The following GLI2 variants were observed in gnomAD, a reference collection of about 807,000 sequenced individuals.
The protein encoded by GLI2 is transcription activator GLI2.
A neutral mutation model predicts 78.9 loss-of-function variants in GLI2; 22 were observed. That is an observed-to-expected ratio of 0.28 (90% CI 0.20 to 0.40). The LOEUF is 0.40. Ranked by LOEUF, GLI2 falls within the 10% of genes least tolerant of loss-of-function variation. The pLI is 1.00. For missense variants in GLI2, 2,097 were observed against 2,213.2 expected (o/e 0.95, Z 1.05); for synonymous variants, 974 against 963.7 (o/e 1.01, Z -0.20).
At chr2:120,789,330 A>G (rs537015478) in intron 1 of GLI2, among the ~76,000 whole-genome samples, 2 of 151,902 alleles carry the variant, frequency 1.3e-5, no homozygotes, top group Admixed American at 1.3e-4. Flanking sequence ...AGTCTCACCT[A>G]CTTCTGTCTC....
intron 2 of GLI2, among the ~76,000 whole-genome samples, chr2:120,876,790 G>C (rs1022504284): frequency 6.6e-6 from 1 of 152,180 alleles, no homozygotes; most frequent in Non-Finnish European, 1.5e-5. Context: ...TCAGGCACGT[G>C]GGGTCCGAGG....
In GLI2 at chr2:120,896,789, G is replaced by A. The variant is rs1013865634; in HGVS notation, c.149-30572G>A. Among the ~76,000 whole-genome samples, 8 of 151,690 alleles carry A rather than the reference G, an allele frequency of 5.3e-5. No homozygotes were observed. In the East Asian group the frequency reaches 5.8e-4, roughly 11 times the overall value. On this transcript the variant is annotated intron_variant, in intron 2 of 13. Coordinates refer to ENST00000361492, the MANE Select transcript of GLI2 (RefSeq NM_001374353.1). The stretch of plus-strand genomic sequence containing the variant: ...TTCTCAAGGAATCCCCAGCTTGGGC[G>A]TTAATCCCTCAAGAGTCACCAAGAG...
chr2:120,988,139 G>A (rs1683067545), intron 13 of GLI2, 69 bp from the exon 14 acceptor site: 4 of 1,410,184 alleles, frequency 2.8e-6, no homozygotes, highest in Non-Finnish European at 3.8e-6. Flanking sequence ...CCAGTGCGAT[G>A]ACTGAGCACG....
chr2:120,760,877 C>T (rs1404302962), intron 1 of GLI2, among the ~76,000 whole-genome samples: 2 of 152,202 alleles, frequency 1.3e-5, no homozygotes, highest in African/African-American at 4.8e-5. Context: ...CCAAGCCTGT[C>T]CCGAGAAGGT....
At chr2:120,891,212 G>A (rs1311358095) in intron 2 of GLI2, among the ~76,000 whole-genome samples, 1 of 152,186 alleles carries the variant, frequency 6.6e-6, no homozygotes, top group Admixed American at 6.5e-5. Flanking sequence ...GGGTGCACTG[G>A]GCGGGGTGTC....
chr2:120,953,657 C>T (rs970672838), intron 4 of GLI2, among the ~76,000 whole-genome samples: 1 of 152,150 alleles, frequency 6.6e-6, no homozygotes, highest in African/African-American at 2.4e-5. Flanking sequence ...GCTCAGGAAG[C>T]AGAGACGCTG....
rs1459316510 is a variant in GLI2, at chr2:120,968,877, C to A, written c.807C>A (p.Ala269=). 6.2e-7 allele frequency: 1 copy of A among 1,613,442 alleles called. No homozygotes were observed. The highest frequency in any genetic ancestry group is 8.5e-7 in the Non-Finnish European group (1 of 1,179,974). The change falls in exon 6 of 14, where the codon GCC becomes GCA. Residue 269 remains alanine (A), a synonymous_variant. Coordinates refer to ENST00000361492, the MANE Select transcript of GLI2 (RefSeq NM_001374353.1). ...ACAACTCCCGAAGCAGCTCGGCGGC[C>A]AGCGGTTCCTACGGGCATCTGTCAG... ...YINNSRSSSA[A]SGSYGHLSAG... is the part of the protein sequence containing the mutation.
chr2:120,795,395 T>C (rs1381674930), intron 1 of GLI2, among the ~76,000 whole-genome samples: 1 of 151,844 alleles, frequency 6.6e-6, no homozygotes, highest in Admixed American at 6.6e-5. Context: ...TGATGGCGCA[T>C]GCCTGTAATC....
intron 1 of GLI2, among the ~76,000 whole-genome samples, chr2:120,763,032 T>TG (rs1265069054): frequency 1.1e-4 from 17 of 152,182 alleles, no homozygotes; most frequent in Non-Finnish European, 1.5e-5. Context: ...GGCAAAGCCC[T>TG]GGGAGGCTCT....
chr2:120,842,431 C>T (rs1234168284), intron 2 of GLI2, among the ~76,000 whole-genome samples: 1 of 152,070 alleles, frequency 6.6e-6, no homozygotes, highest in Non-Finnish European at 1.5e-5. Flanking sequence ...GTTTTTATGG[C>T]TGTTTGGTAT....
rs1159402052 is a variant in GLI2 at position 120,876,157 on chromosome 2, C to T, written c.149-51204C>T. On this transcript the variant is annotated intron_variant, in intron 2 of 13. Transcript: ENST00000361492. ...GAGATGGAGACCATCCTGGCTAACG[C>T]GGTGAAACCCCGTCTCTACTAAAAA... 2.6e-5 allele frequency among the ~76,000 whole-genome samples: 4 copies of T among 152,042 alleles called. 1 individual carries two copies. The highest frequency in any genetic ancestry group is 4.2e-4 in the South Asian group (2 of 4,816).
chr2:120,736,623 G>T (rs1393127569), intron 1 of GLI2, among the ~76,000 whole-genome samples: 1 of 151,622 alleles, frequency 6.6e-6, no homozygotes, highest in African/African-American at 2.4e-5. Flanking sequence ...GCCGGCGGGG[G>T]TCTGTTTTTT....
intron 1 of GLI2, among the ~76,000 whole-genome samples, chr2:120,763,945 G>A (rs938582867): frequency 3.3e-5 from 5 of 152,248 alleles, no homozygotes; most frequent in African/African-American, 1.2e-4. Context: ...AGGGCTTTGC[G>A]AAGCCAGTGT....
intron 1 of GLI2, among the ~76,000 whole-genome samples, chr2:120,785,942 T>TG (rs1337363685): frequency 6.6e-6 from 1 of 152,176 alleles, no homozygotes; most frequent in African/African-American, 2.4e-5. Context: ...AAGGACTGCT[T>TG]GGGGGCTGAG....
intron 2 of GLI2, among the ~76,000 whole-genome samples, chr2:120,836,278 G>A (rs1373195421): frequency 6.6e-6 from 1 of 152,160 alleles, no homozygotes; most frequent in Non-Finnish European, 1.5e-5. Context: ...ATATGTAAAT[G>A]CCCATACAGG....
intron 2 of GLI2, among the ~76,000 whole-genome samples, chr2:120,896,696 T>TACACACACACAC (rs70954513): frequency 1.1e-4 from 14 of 128,820 alleles, no homozygotes; most frequent in African/African-American, 3.6e-4. Context: ...CACACACCCA[T>TACACACACACAC]ACACACACAC....
intron 2 of GLI2, among the ~76,000 whole-genome samples, chr2:120,897,134 C>T (rs116417049): frequency 0.017 from 2,588 of 152,354 alleles, 26 homozygotes; most frequent in Non-Finnish European, 0.028. Context: ...CTGACACGCT[C>T]CAGCCGCCAC....
chr2:120,908,783 A>C (rs1477323970), intron 2 of GLI2, among the ~76,000 whole-genome samples: 1 of 152,224 alleles, frequency 6.6e-6, no homozygotes, highest in Non-Finnish European at 1.5e-5. Context: ...GCCTGGAGGC[A>C]GATTCAGGGT....
At chr2:120,789,029 C>CT (rs765758623) in intron 1 of GLI2, among the ~76,000 whole-genome samples, 4,056 of 135,024 alleles carry the variant, frequency 0.03, 219 homozygotes, top group African/African-American at 0.11. Flanking sequence ...TTATTTCTTT[C>CT]TTTCTTTTTT....
Sources: gnomAD v4.1 joint callset for allele counts (sites outside exome capture counted in the v4.1 genomes callset) on GRCh38, gnomAD v4.1.1 for gene constraint, MANE v1.5 for transcripts, NCBI Gene and HGNC (gene_info 2026-07-23, HGNC 2026-07-21) for gene names.